Variants in LYPD6 observed in about 807,000 individuals in gnomAD.
LYPD6 encodes ly6/PLAUR domain-containing protein 6.
In LYPD6, 15 loss-of-function variants were observed where a neutral mutation model predicts 22.7. That is an observed-to-expected ratio of 0.66 (90% confidence interval 0.44 to 1.02). The LOEUF is 1.02. Ranked by LOEUF, LYPD6 falls within the 50% of genes least tolerant of loss-of-function variation. The pLI is 0.00. For synonymous variants in LYPD6, 72 were observed against 77.5 expected, an observed-to-expected ratio of 0.93 and a Z score of 0.37; for missense variants, 189 against 208.4, an observed-to-expected ratio of 0.91 and a Z score of 0.57.
chr2:149,412,321 G>A (rs1456541353), intron 1 of LYPD6, among the ~76,000 whole-genome samples: 1 of 151,650 alleles, frequency 6.6e-6, no homozygotes, highest in African/African-American at 2.4e-5. Flanking sequence ...ACTCTGATAA[G>A]GTTGAGCATT....
At position 149,343,826 on chromosome 2, in the gene LYPD6, G is replaced by A. The variant is rs144203619; in HGVS notation, c.-72+13104G>A. ...GAACTTCAGTTTCCTCAAAATGATTGCTTAAGATCAGCACTTCCAAAGGAG... is the reference window on the plus strand; with the variant it reads ...GAACTTCAGTTTCCTCAAAATGATTACTTAAGATCAGCACTTCCAAAGGAG... On this transcript the variant is annotated intron_variant, in intron 1 of 4. Coordinates refer to ENST00000334166, the MANE Select transcript of LYPD6 (RefSeq NM_194317.5). Among the ~76,000 whole-genome samples the A allele has an allele frequency of 5.7e-4, 86 of 152,158 alleles. 1 individual carries two copies. The highest frequency in any genetic ancestry group is 2.0e-3 in the African/African-American group (85 of 41,512).
At chr2:149,339,859 T>C (rs1053130525) in intron 1 of LYPD6, among the ~76,000 whole-genome samples, 2 of 152,180 alleles carry the variant, frequency 1.3e-5, no homozygotes, top group Non-Finnish European at 2.9e-5. Context: ...TAATGGATTG[T>C]TAGGCAAAAC....
intron 1 of LYPD6, among the ~76,000 whole-genome samples, chr2:149,425,651 A>G (rs572618638): frequency 2.1e-4 from 32 of 152,236 alleles, no homozygotes; most frequent in Non-Finnish European, 3.8e-4. Flanking sequence ...CTGCTTTGCT[A>G]CAATAATACA....
Position 149,411,646 on chromosome 2 carries a change from A to C in LYPD6, c.-71-25992A>C, listed in dbSNP as rs73964418. On this transcript the variant is annotated intron_variant, in intron 1 of 4. Coordinates refer to ENST00000334166, the MANE Select transcript of LYPD6 (RefSeq NM_194317.5). ...ATGATTGACAGTGGAAGTATTTGACAAAGAAATGATAGTAGGGGAAGCTAG... is the reference window on the plus strand; with the variant it reads ...ATGATTGACAGTGGAAGTATTTGACCAAGAAATGATAGTAGGGGAAGCTAG... 4.9e-3 allele frequency among the ~76,000 whole-genome samples: 745 copies of C among 152,338 alleles called. 6 individuals carry two copies. The highest frequency in any genetic ancestry group is 0.017 in the African/African-American group (699 of 41,578).
chr2:149,404,579 A>AT (rs1402626467), intron 1 of LYPD6, among the ~76,000 whole-genome samples: 1 of 152,154 alleles, frequency 6.6e-6, no homozygotes, highest in African/African-American at 2.4e-5. Flanking sequence ...TTGCACATTG[A>AT]TTTTGTATCC....
intron 1 of LYPD6, among the ~76,000 whole-genome samples, chr2:149,354,194 G>A (rs1681409565): frequency 6.6e-6 from 1 of 152,090 alleles, no homozygotes; most frequent in South Asian, 2.1e-4. Context: ...CCATTTTGGT[G>A]GCTTCCTTCC....
intron 1 of LYPD6, among the ~76,000 whole-genome samples, chr2:149,389,756 C>T (rs1195239159): frequency 5.3e-5 from 8 of 152,158 alleles, no homozygotes; most frequent in Non-Finnish European, 1.2e-4. Context: ...TGGAGGTGGA[C>T]TGGCTTCGTG....
chr2:149,407,282 C>T (rs928245796), intron 1 of LYPD6, among the ~76,000 whole-genome samples: 3 of 152,156 alleles, frequency 2.0e-5, no homozygotes, highest in African/African-American at 7.2e-5. Context: ...TTTGGCCTGC[C>T]TTGCCAGATT....
At chr2:149,441,824 A>G (rs1683573549) in intron 2 of LYPD6, among the ~76,000 whole-genome samples, 1 of 152,226 alleles carries the variant, frequency 6.6e-6, no homozygotes, top group Admixed American at 6.5e-5. Context: ...ACCTATTCTT[A>G]GCCTCCATTT....
At chr2:149,464,684 T>G (rs1681163254) in intron 3 of LYPD6, among the ~76,000 whole-genome samples, 1 of 152,148 alleles carries the variant, frequency 6.6e-6, no homozygotes, top group African/African-American at 2.4e-5. Flanking sequence ...TTAGGTGGCA[T>G]TCATGCTTTT....
At chr2:149,371,392 A>T (rs1448582513) in intron 1 of LYPD6, among the ~76,000 whole-genome samples, 1 of 152,182 alleles carries the variant, frequency 6.6e-6, no homozygotes, top group Non-Finnish European at 1.5e-5. Context: ...TTCAAGAGAA[A>T]CTTAGGTTTA....
chr2:149,454,754 A>G (rs919600003), intron 3 of LYPD6, among the ~76,000 whole-genome samples: 1 of 152,166 alleles, frequency 6.6e-6, no homozygotes, highest in Admixed American at 6.5e-5. Flanking sequence ...CCTAGTATTG[A>G]CAGAAACAAT....
the LYPD6 span, among the ~76,000 whole-genome samples, chr2:149,485,581 C>G: frequency 6.6e-6 from 1 of 152,106 alleles, no homozygotes; most frequent in South Asian, 2.1e-4. Context: ...ACCTGGAATT[C>G]TCACTCTCCA....
intron 1 of LYPD6, among the ~76,000 whole-genome samples, chr2:149,423,406 T>C (rs1683123078): frequency 1.3e-5 from 2 of 152,164 alleles, no homozygotes; most frequent in African/African-American, 4.8e-5. Context: ...GGGGGAAATT[T>C]TGATAGGTGG....
chr2:149,394,069 AC>A (rs2105101482), intron 1 of LYPD6, among the ~76,000 whole-genome samples: 1 of 152,364 alleles, frequency 6.6e-6, no homozygotes, highest in Non-Finnish European at 1.5e-5. Context: ...TTACACTGTC[AC>A]GTTTCTAGCT....
At chr2:149,354,823 CCTTGGCGATATTGG>C (rs1039843507) in intron 1 of LYPD6, among the ~76,000 whole-genome samples, 13 of 152,160 alleles carry the variant, frequency 8.5e-5, no homozygotes, top group Non-Finnish European at 1.9e-4. Flanking sequence ...AAGCAGCTAA[CCTTGGCGATATTGG>C]CTTACGTAAT....
At chr2:149,453,052 G>A (rs1483273298) in intron 3 of LYPD6, among the ~76,000 whole-genome samples, 1 of 152,174 alleles carries the variant, frequency 6.6e-6, no homozygotes, top group Non-Finnish European at 1.5e-5. Flanking sequence ...ACTGACTCTG[G>A]TTGCTTTACT....
At chr2:149,344,488 C>T (rs545910360) in intron 1 of LYPD6, among the ~76,000 whole-genome samples, 2 of 152,036 alleles carry the variant, frequency 1.3e-5, no homozygotes, top group South Asian at 4.2e-4. Flanking sequence ...TACAAAAGAC[C>T]CAGGTTTTAT....
Position 149,398,413 on chromosome 2 carries a change from T to TTG in LYPD6, c.-71-39191_-71-39190dup, listed in dbSNP as rs10584410. ...TATGATGGGAATAGCAAAGATGGCT[T>TTG]TGTGTGTGTGTGTGTGTGTGTGTGT... On this transcript the variant is annotated intron_variant, in intron 1 of 4. Transcript: ENST00000334166. Among the ~76,000 whole-genome samples, 1,161 of 147,832 alleles carry TTG rather than the reference T, an allele frequency of 7.9e-3. 7 individuals carry two copies. Among genetic ancestry groups the TTG allele is most frequent in the African/African-American group, 0.022 (890 of 40,216 alleles).
Sources: allele counts gnomAD v4.1 joint callset (sites outside exome capture counted in the v4.1 genomes callset), GRCh38; gene constraint gnomAD v4.1.1; transcripts MANE v1.5; gene names NCBI Gene and HGNC (gene_info 2026-07-23, HGNC 2026-07-21).